ATXN1: variants seen among roughly 807,000 people sequenced by gnomAD.
ATXN1 encodes ataxin 1.
Under a neutral mutation model 56.4 loss-of-function variants are expected in ATXN1, and 8 were observed. The observed-to-expected ratio is 0.14, with a 90% CI of 0.08 to 0.26. The LOEUF is 0.26. ATXN1 is among the 10% of genes least tolerant of loss of function. The pLI is 1.00. For synonymous variants in ATXN1, 514 were observed against 494.6 expected, an observed-to-expected ratio of 1.04 and a Z score of -0.52; for missense variants, 987 against 1,106.5, an observed-to-expected ratio of 0.89 and a Z score of 1.53.
chr6:16,513,924 G>A (rs1228264856), intron 5 of ATXN1, among the ~76,000 whole-genome samples: 2 of 152,170 alleles, frequency 1.3e-5, no homozygotes, highest in Admixed American at 1.3e-4. Flanking sequence ...TTCTCTCCCA[G>A]TAGCATCTTT....
chr6:16,614,721 G>C (rs1763172775), intron 3 of ATXN1, among the ~76,000 whole-genome samples: 1 of 151,554 alleles, frequency 6.6e-6, no homozygotes, highest in Admixed American at 6.6e-5. Context: ...TCAGGAGTTT[G>C]AGACCAGCCT....
At chr6:16,691,471 T>G (rs1759045780) in intron 2 of ATXN1, among the ~76,000 whole-genome samples, 1 of 152,200 alleles carries the variant, frequency 6.6e-6, no homozygotes. Flanking sequence ...GATTGAGAGT[T>G]TTTTGTATTT....
intron 2 of ATXN1, among the ~76,000 whole-genome samples, chr6:16,661,276 A>G (rs1758314803): frequency 6.6e-6 from 1 of 152,096 alleles, no homozygotes; most frequent in Non-Finnish European, 1.5e-5. Flanking sequence ...ATACAAATAT[A>G]CATATATAGC....
intron 6 of ATXN1, among the ~76,000 whole-genome samples, chr6:16,383,439 G>GATAGA (rs1758174616): frequency 1.3e-5 from 2 of 152,060 alleles, no homozygotes; most frequent in South Asian, 4.1e-4. Flanking sequence ...TGGGAGAGGC[G>GATAGA]ATAGAATATG....
chr6:16,649,230 C>A (rs1051441842), intron 3 of ATXN1, among the ~76,000 whole-genome samples: 1 of 151,942 alleles, frequency 6.6e-6, no homozygotes, highest in South Asian at 2.1e-4. Context: ...TTTATTTAAG[C>A]CAAGTTATTT....
chr6:16,401,915 G>A (rs938950757), intron 6 of ATXN1, among the ~76,000 whole-genome samples: 8 of 152,312 alleles, frequency 5.3e-5, no homozygotes, highest in African/African-American at 1.9e-4. Context: ...TGGACTTACA[G>A]TTCCACATGG....
intron 4 of ATXN1, among the ~76,000 whole-genome samples, chr6:16,564,312 T>G (rs1333656329): frequency 8.7e-6 from 1 of 115,010 alleles, no homozygotes; most frequent in South Asian, 2.9e-4. Flanking sequence ...ATGTGTAAAA[T>G]GAAAAAAAAA....
chr6:16,579,564 C>T (rs778009678), intron 4 of ATXN1, among the ~76,000 whole-genome samples: 41 of 145,338 alleles, frequency 2.8e-4, no homozygotes, highest in Non-Finnish European at 2.7e-4. Context: ...TGCAGACACA[C>T]TCAGAGTATC....
At chr6:16,758,382 A>G (rs1760951540) in intron 1 of ATXN1, among the ~76,000 whole-genome samples, 1 of 152,180 alleles carries the variant, frequency 6.6e-6, no homozygotes, top group African/African-American at 2.4e-5. Flanking sequence ...AGTACCAAAT[A>G]CTTGTTGATC....
At chr6:16,365,969 G>A (rs1439479027) in intron 6 of ATXN1, among the ~76,000 whole-genome samples, 1 of 151,902 alleles carries the variant, frequency 6.6e-6, no homozygotes, top group African/African-American at 2.4e-5. Context: ...ATCTACTATT[G>A]TAAAATTTTT....
Position 16,327,274 on chromosome 6 carries a change from T to C in ATXN1, c.1037A>G (p.Lys346Arg). Residue 346 changes from lysine to arginine, a missense_variant, in exon 7 of 8, where the codon AAG becomes AGG. By Grantham distance (26) the Lys-to-Arg change is conservative. This residue lies in a region of ATXN1 where 723 missense variants were observed against 791.7 expected (regional missense o/e 0.91). Coordinates refer to ENST00000436367, the MANE Select transcript of ATXN1 (RefSeq NM_001128164.2). ...APSSADLGLGKAGGKSVPHPY... is the reference protein window; with the variant it reads ...APSSADLGLGRAGGKSVPHPY... ...GTGAGGAACCGACTTGCCGCCTGCC[T>C]TGCCCAGGCCCAGGTCGGCTGAGGA... 1.2e-6 allele frequency: 2 copies of C among 1,613,384 alleles called. No homozygotes were observed. The highest frequency in any genetic ancestry group is 1.3e-5 in the African/African-American group (1 of 75,026).
intron 6 of ATXN1, among the ~76,000 whole-genome samples, chr6:16,330,390 C>CTTT (rs60608169): frequency 2.8e-4 from 34 of 119,828 alleles, no homozygotes; most frequent in Non-Finnish European, 3.2e-4. Flanking sequence ...TCCTTCCTTC[C>CTTT]TTTTTTTTTT....
chr6:16,681,555 G>A (rs1758813127), intron 2 of ATXN1, among the ~76,000 whole-genome samples: 1 of 152,238 alleles, frequency 6.6e-6, no homozygotes, highest in Admixed American at 6.5e-5. Flanking sequence ...ATAATGCATG[G>A]GATTTGTGGG....
intron 5 of ATXN1, among the ~76,000 whole-genome samples, chr6:16,509,834 A>T (rs1761049037): frequency 6.6e-6 from 1 of 152,164 alleles, no homozygotes; most frequent in African/African-American, 2.4e-5. Flanking sequence ...TATGGCTTCC[A>T]CTTACCTTCC....
chr6:16,663,826 G>A (rs950163981), intron 2 of ATXN1, among the ~76,000 whole-genome samples: 9 of 151,970 alleles, frequency 5.9e-5, no homozygotes, highest in South Asian at 4.2e-4. Context: ...CATCATGTCC[G>A]GCCAGGAACA....
chr6:16,331,635 A>C (rs1561855365), intron 6 of ATXN1, among the ~76,000 whole-genome samples: 1 of 152,364 alleles, frequency 6.6e-6, no homozygotes, highest in South Asian at 2.1e-4. Flanking sequence ...CAGTAAGGGA[A>C]TAGGTTAATT....
chr6:16,675,980 C>T (rs983066815), intron 2 of ATXN1, among the ~76,000 whole-genome samples: 2 of 152,118 alleles, frequency 1.3e-5, no homozygotes, highest in Non-Finnish European at 2.9e-5. Context: ...AAGGAACATA[C>T]ACATCATCAT....
intron 5 of ATXN1, among the ~76,000 whole-genome samples, chr6:16,499,039 T>C (rs1307750728): frequency 6.6e-6 from 1 of 152,212 alleles, no homozygotes; most frequent in Non-Finnish European, 1.5e-5. Flanking sequence ...CTTTTGTTGT[T>C]TGTGCTTTTG....
intron 6 of ATXN1, among the ~76,000 whole-genome samples, chr6:16,393,824 T>C (rs1758402064): frequency 6.6e-6 from 1 of 151,986 alleles, no homozygotes; most frequent in East Asian, 1.9e-4. Context: ...AAGACCAGTC[T>C]GGCCAACACA....
Sources: allele counts gnomAD v4.1 joint callset (sites outside exome capture counted in the v4.1 genomes callset), GRCh38; gene constraint gnomAD v4.1.1; regional missense constraint gnomAD v4.1.1; transcripts MANE v1.5; gene names NCBI Gene and HGNC (gene_info 2026-07-23, HGNC 2026-07-21).